The following CDH12 variants were observed in gnomAD, a reference collection of about 807,000 sequenced individuals.
The protein encoded by CDH12 is cadherin-12.
Under a neutral mutation model 74.1 loss-of-function variants are expected in CDH12, and 41 were observed. That is an observed-to-expected ratio of 0.55 (90% CI 0.43 to 0.72). CDH12 has a LOEUF of 0.72. CDH12 is among the 30% of genes least tolerant of loss of function. The probability of loss-of-function intolerance (pLI) is 0.00; values close to 1 mark genes in which losing one functional copy is unlikely to be tolerated. For synonymous variants in CDH12, 399 were observed against 355.0 expected, an observed-to-expected ratio of 1.12 and a Z score of -1.39; for missense variants, 945 against 977.2, an observed-to-expected ratio of 0.97 and a Z score of 0.44.
chr5:22,537,318 T>A (rs1344599622), intron 1 of CDH12, among the ~76,000 whole-genome samples: 3 of 152,208 alleles, frequency 2.0e-5, no homozygotes, highest in Non-Finnish European at 4.4e-5. Context: ...CCAGTCGGCA[T>A]AGGAGACAGC....
intron 4 of CDH12, among the ~76,000 whole-genome samples, chr5:22,107,824 T>C (rs1744571732): frequency 6.6e-6 from 1 of 152,150 alleles, no homozygotes; most frequent in African/African-American, 2.4e-5. Context: ...ATCATTATAT[T>C]TTTTGTTGTA....
intron 6 of CDH12, among the ~76,000 whole-genome samples, chr5:21,900,068 T>G (rs1456279847): frequency 6.6e-6 from 1 of 152,168 alleles, no homozygotes; most frequent in Non-Finnish European, 1.5e-5. Flanking sequence ...TACAGACCAT[T>G]TTAAAGACTT....
intron 7 of CDH12, among the ~76,000 whole-genome samples, chr5:21,847,196 A>G (rs1347481185): frequency 1.3e-5 from 2 of 151,938 alleles, no homozygotes; most frequent in Non-Finnish European, 2.9e-5. Flanking sequence ...TCCCTCATTC[A>G]CTGCAGCCTT....
intron 1 of CDH12, among the ~76,000 whole-genome samples, chr5:22,691,801 G>T (rs939174257): frequency 1.3e-5 from 2 of 152,018 alleles, no homozygotes; most frequent in Non-Finnish European, 2.9e-5. Flanking sequence ...AAATCTAGCA[G>T]AGTTTCTTAC....
chr5:21,818,703 C>T (rs1748201520), intron 8 of CDH12, among the ~76,000 whole-genome samples: 1 of 151,776 alleles, frequency 6.6e-6, no homozygotes, highest in South Asian at 2.1e-4. Context: ...TTACAGTGGT[C>T]CACAAGAGTT....
chr5:22,395,066 C>T (rs962917570), intron 3 of CDH12, among the ~76,000 whole-genome samples: 11 of 152,040 alleles, frequency 7.2e-5, no homozygotes, highest in African/African-American at 2.4e-4. Flanking sequence ...GCTAACTTAT[C>T]TGGGAAAAGA....
intron 8 of CDH12, among the ~76,000 whole-genome samples, chr5:21,817,697 G>A (rs1276407473): frequency 1.3e-5 from 2 of 151,794 alleles, no homozygotes; most frequent in African/African-American, 2.4e-5. Context: ...TTGAAATATA[G>A]TATATTATAG....
chr5:22,321,348 C>A (rs1199713553), intron 3 of CDH12, among the ~76,000 whole-genome samples: 1 of 147,826 alleles, frequency 6.8e-6, no homozygotes, highest in Non-Finnish European at 1.5e-5. Flanking sequence ...TTTGTAGGGA[C>A]ATGGATGAAA....
At chr5:22,485,919 C>A (rs1746572709) in intron 2 of CDH12, among the ~76,000 whole-genome samples, 1 of 152,108 alleles carries the variant, frequency 6.6e-6, no homozygotes, top group African/African-American at 2.4e-5. Flanking sequence ...AATACACAGC[C>A]CAAGAGGGGC....
At chr5:22,299,962 G>T (rs982078066) in intron 3 of CDH12, among the ~76,000 whole-genome samples, 1 of 152,106 alleles carries the variant, frequency 6.6e-6, no homozygotes, top group Admixed American at 6.6e-5. Context: ...GCATATAGTA[G>T]GCTTTTACTC....
intron 6 of CDH12, among the ~76,000 whole-genome samples, chr5:21,872,893 C>CTAT (rs1424375388): frequency 2.2e-5 from 3 of 138,866 alleles, no homozygotes; most frequent in African/African-American, 5.4e-5. Context: ...TACCTATCAT[C>CTAT]CATCTATCTA....
At position 21,868,003 on chromosome 5, in the gene CDH12, A is replaced by T. The variant is rs116052363; in HGVS notation, c.527-13213T>A. Among the ~76,000 whole-genome samples, 1,332 of 152,286 alleles carry T rather than the reference A, an allele frequency of 8.7e-3. 11 individuals are homozygous for T. The highest frequency in any genetic ancestry group is 0.015 in the Non-Finnish European group (1,004 of 68,030). On this transcript the variant is annotated intron_variant, in intron 6 of 14. Coordinates refer to ENST00000382254, the MANE Select transcript of CDH12 (RefSeq NM_004061.5). ...CCATACTGTTCTCGTGGTAGTGAAT[A>T]GGTCTCAAAAGATCTGATGGTTTTA...
At chr5:21,857,644 C>G (rs1243516000) in intron 6 of CDH12, among the ~76,000 whole-genome samples, 1 of 151,794 alleles carries the variant, frequency 6.6e-6, no homozygotes, top group Non-Finnish European at 1.5e-5. Flanking sequence ...TATGACAGAA[C>G]TATGACGAAG....
At chr5:21,854,867 G>A (rs568001156) in intron 6 of CDH12, 77 bp from the exon 7 acceptor site, 30 of 1,386,042 alleles carry the variant, frequency 2.2e-5, no homozygotes, top group Admixed American at 2.1e-4. Context: ...TGCTGGACTC[G>A]ATTTTCCTTT....
chr5:22,693,338 TC>T (rs1376302893), intron 1 of CDH12, among the ~76,000 whole-genome samples: 2 of 152,174 alleles, frequency 1.3e-5, no homozygotes, highest in African/African-American at 4.8e-5. Flanking sequence ...AAAAGAAGCC[TC>T]ACTGCCTTGG....
At chr5:22,481,291 G>A (rs571793710) in intron 2 of CDH12, among the ~76,000 whole-genome samples, 12 of 152,218 alleles carry the variant, frequency 7.9e-5, no homozygotes, top group Admixed American at 3.9e-4. Context: ...ACAGTACAGC[G>A]TTTTCTTAAA....
intron 5 of CDH12, among the ~76,000 whole-genome samples, chr5:21,992,834 G>A (rs1226972923): frequency 6.6e-6 from 1 of 152,052 alleles, no homozygotes; most frequent in Non-Finnish European, 1.5e-5. Context: ...TTTTCACTCT[G>A]CTGTAAAGAA....
intron 3 of CDH12, among the ~76,000 whole-genome samples, chr5:22,289,830 T>A (rs1035629862): frequency 6.6e-6 from 1 of 152,124 alleles, no homozygotes; most frequent in African/African-American, 2.4e-5. Flanking sequence ...ATGCCCCATA[T>A]TCTAGTCCAG....
chr5:22,183,593 A>C (rs1749765859), intron 4 of CDH12, among the ~76,000 whole-genome samples: 1 of 152,150 alleles, frequency 6.6e-6, no homozygotes, highest in Admixed American at 6.6e-5. Flanking sequence ...ATGAAACCAA[A>C]AATTTTACCC....
Sources: gnomAD v4.1 joint callset for allele counts (sites outside exome capture counted in the v4.1 genomes callset) on GRCh38, gnomAD v4.1.1 for gene constraint, MANE v1.5 for transcripts, NCBI Gene and HGNC (gene_info 2026-07-23, HGNC 2026-07-21) for gene names.